NSMCE4A: variants seen among roughly 807,000 people sequenced by gnomAD.
NSMCE4A encodes non-structural maintenance of chromosomes element 4 homolog A.
In NSMCE4A, 40 loss-of-function variants were observed where a neutral mutation model predicts 47.9. The ratio of observed to expected loss-of-function variants is 0.83; its 90% CI spans 0.65 to 1.09. The LOEUF (loss-of-function observed/expected upper bound fraction) is 1.09. Among genes scored for constraint, NSMCE4A ranks in the 50% least tolerant of loss-of-function variants. NSMCE4A has a pLI of 0.00. For synonymous variants in NSMCE4A, 166 were observed against 178.5 expected (o/e 0.93, Z 0.56); for missense variants, 500 against 507.0 (o/e 0.99, Z 0.13).
Position 121,974,898 on chromosome 10 carries a change from G to A in NSMCE4A, c.268C>T (p.Arg90Trp). 1 of 1,516,682 alleles carries A rather than the reference G, an allele frequency of 6.6e-7. No individual in the cohort carries two copies. Among genetic ancestry groups the A allele is most frequent in the East Asian group, 2.8e-5 (1 of 35,518 alleles). The allele number at this position is 1,516,682 out of a possible 1,614,324, so 94.0% of individuals were successfully genotyped here. A position where few individuals can be genotyped will look rare whatever the true frequency, so the allele number is the denominator to read the frequency against. ...CGTTGGACGGAGTTGATGAGCGCCC[G>A]GTACTGATGGCGGATCTGGCGGCAC... ...GLCRQIRHQYRALINSVQQNR... is the reference protein window; with the variant it reads ...GLCRQIRHQYWALINSVQQNR... The change falls in exon 1 of 11, where the codon CGG becomes TGG. Residue 90 changes from arginine to tryptophan, a missense_variant. Transcript: ENST00000369023.
chr10:121,957,977 C>T (rs11200286), intron 10 of NSMCE4A, among the ~76,000 whole-genome samples: 20,201 of 151,798 alleles, frequency 0.13, 1,566 homozygotes, highest in Middle Eastern at 0.18. Flanking sequence ...TGTCTGTAAT[C>T]CCAGCACTTT....
At position 121,960,038 on chromosome 10, in the gene NSMCE4A, C is replaced by T. The variant is rs186868008; in HGVS notation, c.988+320G>A. ...GAACCTCAAAGAGAAAAGAAGGTGC[C>T]GGCATCTGACAAAACGTGATTAGAA... On this transcript the variant is annotated intron_variant, in intron 8 of 10. Coordinates refer to ENST00000369023, the MANE Select transcript of NSMCE4A (RefSeq NM_017615.3). The surrounding 1 kb of genome is among the most constrained non-coding windows in gnomAD (Gnocchi z 4.2). 10 of 267,696 alleles carry T rather than the reference C, an allele frequency of 3.7e-5. No individual in the cohort carries two copies. The highest frequency in any genetic ancestry group is 1.3e-4 in the African/African-American group (6 of 44,996). The allele number at this position is 267,696 out of a possible 1,614,324, so 16.6% of individuals were successfully genotyped here. A position where few individuals can be genotyped will look rare whatever the true frequency, so the allele number is the denominator to read the frequency against.
In NSMCE4A at chr10:121,958,801, G is replaced by A. The variant is rs1010059190; in HGVS notation, c.*12+523C>T. Among the ~76,000 whole-genome samples the A allele has an allele frequency of 4.6e-5, 7 of 151,380 alleles. No individual in the cohort carries two copies. In the Admixed American group the frequency reaches 4.6e-4, roughly 10 times the overall value. On this transcript the variant is annotated intron_variant, in intron 10 of 10. Coordinates refer to ENST00000369023, the MANE Select transcript of NSMCE4A (RefSeq NM_017615.3). ...AACCCACCAAACCAAGAACAATCCT[G>A]CACTGCTTCTTTCAGCTGCAAGTCT...
chr10:121,974,018 G>C lies in NSMCE4A; in HGVS notation c.356C>G (p.Thr119Ser), dbSNP rs200245526. ...KLTEVLEEAN[T>S]LFNEVSRARE... ...TAACAAATTACCTTCATTAAACAGA[G>C]TGTTAGCCTCTTCAAGGACCTCTGT... The change falls in exon 2 of 11, where the codon ACT becomes AGT. Residue 119 changes from threonine (T) to serine (S), a missense_variant. Physicochemically the swap from Thr to Ser is moderately conservative, Grantham distance 58 (BLOSUM62 1). Coordinates refer to ENST00000369023, the MANE Select transcript of NSMCE4A (RefSeq NM_017615.3). 32 of 1,598,246 alleles carry C rather than the reference G, an allele frequency of 2.0e-5. No individual in the cohort carries two copies. The highest frequency in any genetic ancestry group is 1.7e-4 in the Admixed American group (10 of 59,324).
In NSMCE4A at chr10:121,970,333, G is replaced by A. The variant is rs370002528; in HGVS notation, c.501+606C>T. On this transcript the variant is annotated intron_variant, in intron 3 of 10. Coordinates refer to ENST00000369023, the MANE Select transcript of NSMCE4A (RefSeq NM_017615.3). ...TAAAAATACAAAAAATTAGCCGGGC[G>A]TGGTGGCAGGCGCCTGTAGTCCCAG... is the stretch of plus-strand genomic sequence containing the variant. 5.5e-4 allele frequency among the ~76,000 whole-genome samples: 83 copies of A among 151,814 alleles called. 1 individual carries two copies. In the East Asian group the frequency reaches 0.011, roughly 20 times the overall value.
intron 3 of NSMCE4A, 60 bp from the exon 4 acceptor site, chr10:121,967,866 C>A: frequency 1.9e-6 from 3 of 1,546,828 alleles, no homozygotes; most frequent in Non-Finnish European, 2.6e-6. Context: ...TTTTCCACAT[C>A]CAATAATCCG....
chr10:121,961,024 C>A (rs970024970), intron 7 of NSMCE4A, among the ~76,000 whole-genome samples: 1 of 149,624 alleles, frequency 6.7e-6, no homozygotes, highest in Non-Finnish European at 1.5e-5. Context: ...TATCACTCTA[C>A]ATATTATTAT....
At chr10:121,963,443 T>G (rs1952540095) in intron 5 of NSMCE4A, 115 bp from the exon 6 acceptor site, 3 of 630,606 alleles carry the variant, frequency 4.8e-6, no homozygotes, top group Non-Finnish European at 8.3e-6. Context: ...ACTCTTTTTT[T>G]TTTTTGAGAC....
chr10:121,967,470 T>C, intron 4 of NSMCE4A, 185 bp downstream of exon 4: 1 of 589,482 alleles, frequency 1.7e-6, no homozygotes, highest in South Asian at 2.3e-5. Flanking sequence ...AGTGCCGGGA[T>C]TACAGGCATG....
chr10:121,972,709 G>T (rs1029724731), intron 2 of NSMCE4A, among the ~76,000 whole-genome samples: 2 of 152,150 alleles, frequency 1.3e-5, no homozygotes, highest in African/African-American at 4.8e-5. Flanking sequence ...TCCAGGCTGC[G>T]AAGGGAAGAC....
intron 10 of NSMCE4A, among the ~76,000 whole-genome samples, chr10:121,958,707 T>C (rs1016846610): frequency 6.7e-6 from 1 of 150,146 alleles, no homozygotes; most frequent in Non-Finnish European, 1.5e-5. Flanking sequence ...GCCCAGGAGT[T>C]TGAGACCAGC....
At chr10:121,961,376 T>C in intron 7 of NSMCE4A, 47 bp downstream of exon 7, 2 of 1,340,162 alleles carry the variant, frequency 1.5e-6, no homozygotes, top group Non-Finnish European at 2.0e-6. Flanking sequence ...TTATGTAGCC[T>C]TTTAAAAGCA....
chr10:121,971,170 T>TA (rs58195348), intron 2 of NSMCE4A, 101 bp from the exon 3 acceptor site: 239,690 of 656,116 alleles, frequency 0.37, 8,805 homozygotes, highest in African/African-American at 0.5. Flanking sequence ...CCCACTGGAC[T>TA]AAAAAAAAAA....
At chr10:121,965,198 A>T in intron 5 of NSMCE4A, 88 bp downstream of exon 5, 1 of 892,116 alleles carries the variant, frequency 1.1e-6, no homozygotes, top group Non-Finnish European at 1.8e-6. Flanking sequence ...CCGCACACTT[A>T]GAAAAAATGG....
At chr10:121,974,491 GTGCCGCTGCAGCTGCAGC>G (rs1173327656) in intron 1 of NSMCE4A, 147 of 994,898 alleles carry the variant, frequency 1.5e-4, no homozygotes, top group African/African-American at 7.3e-4. Context: ...CAGCTCTCGC[GTGCCGCTGCAGCTGCAGC>G]TGCCGCTGCG....
intron 5 of NSMCE4A, among the ~76,000 whole-genome samples, chr10:121,964,012 C>G (rs1007769013): frequency 6.7e-6 from 1 of 150,260 alleles, no homozygotes; most frequent in African/African-American, 2.4e-5. Context: ...AGGAGAATGG[C>G]TTGAACCCAG....
chr10:121,961,533 G>GAA lies in NSMCE4A; in HGVS notation c.845-18_845-17dup. 6.7e-7 allele frequency: 1 copy of GAA among 1,483,690 alleles called. No individual in the cohort carries two copies. The highest frequency in any genetic ancestry group is 9.0e-7 in the Non-Finnish European group (1 of 1,109,112). 91.9% of individuals were successfully genotyped at this position (1,483,690 alleles called of 1,614,324 possible). ...GGGGTATCAGCTATAGACAAAAAGA[G>GAA]AAAAAAAAATTGATTTTTGCTTGTC... On this transcript the variant is annotated splice_polypyrimidine_tract_variant and intron_variant, in intron 6 of 10. Coordinates refer to ENST00000369023, the MANE Select transcript of NSMCE4A (RefSeq NM_017615.3).
intron 5 of NSMCE4A, among the ~76,000 whole-genome samples, chr10:121,964,856 C>G (rs752855453): frequency 6.6e-6 from 1 of 152,168 alleles, no homozygotes; most frequent in East Asian, 1.9e-4. Flanking sequence ...CAGTGGTTCT[C>G]GAGTGGGTGT....
intron 6 of NSMCE4A, chr10:121,961,870 A>C: frequency 4.3e-6 from 1 of 233,830 alleles, no homozygotes; most frequent in South Asian, 5.6e-5. Context: ...TGGGAGGCCG[A>C]TGCTGGCAGA....
Sources: gnomAD v4.1 joint callset for allele counts (sites outside exome capture counted in the v4.1 genomes callset) on GRCh38, gnomAD v4.1.1 for gene constraint, Gnocchi (gnomAD v3.1) non-coding constraint, MANE v1.5 for transcripts, NCBI Gene and HGNC (gene_info 2026-07-23, HGNC 2026-07-21) for gene names.